The following CASP5 variants were observed in gnomAD, a reference collection of about 807,000 sequenced individuals.
CASP5 encodes caspase-5.
Under a neutral mutation model 45.2 loss-of-function variants are expected in CASP5, and 42 were observed. The ratio of observed to expected loss-of-function variants is 0.93; its 90% CI spans 0.73 to 1.20. The LOEUF (loss-of-function observed/expected upper bound fraction) is 1.20. Ranked by LOEUF, CASP5 falls within the 50% of genes most tolerant of loss-of-function variation. The probability of loss-of-function intolerance (pLI) is 0.00; values close to 1 mark genes in which losing one functional copy is unlikely to be tolerated. For synonymous variants in CASP5, 209 were observed against 186.2 expected (o/e 1.12, Z -1.00); for missense variants, 512 against 532.2 (o/e 0.96, Z 0.37).
chr11:105,010,730 G>A (rs912335086), intron 1 of CASP5, among the ~76,000 whole-genome samples: 4 of 151,546 alleles, frequency 2.6e-5, no homozygotes, highest in African/African-American at 9.7e-5. Context: ...AGTTAACCAT[G>A]ACAGGCTTTC....
Position 105,009,758 on chromosome 11 carries a change from T to TATATATATACACAC in CASP5, c.8-779_8-778insGTGTGTATATATAT, listed in dbSNP as rs1555079440. Among the ~76,000 whole-genome samples the TATATATATACACAC allele has an allele frequency of 5.8e-3, 526 of 90,228 alleles. 11 individuals carry two copies. The highest frequency in any genetic ancestry group is 0.022 in the African/African-American group (508 of 23,070). The allele number at this position is 90,228 out of a possible 152,430, so 59.2% of individuals were successfully genotyped here. A position where few individuals can be genotyped will look rare whatever the true frequency, so the allele number is the denominator to read the frequency against. On this transcript the variant is annotated intron_variant, in intron 1 of 9. Coordinates refer to ENST00000260315, the MANE Select transcript of CASP5 (RefSeq NM_004347.5). ...ATATATATATATATATATATATATA[T>TATATATATACACAC]ACACACACACACGTATATATATATA...
At chr11:105,009,768 CACGTATATATATATATAT>C (rs1862204292) in intron 1 of CASP5, among the ~76,000 whole-genome samples, 2 of 73,278 alleles carry the variant, frequency 2.7e-5, no homozygotes, top group Non-Finnish European at 5.7e-5. Flanking sequence ...TACACACACA[CACGTATATATATATATAT>C]ACACACGTAT....
intron 9 of CASP5, chr11:104,995,390 G>A (rs958957522): frequency 1.2e-5 from 2 of 167,060 alleles, no homozygotes; most frequent in African/African-American, 4.8e-5. Flanking sequence ...AGTGTGGCAG[G>A]TGGGAGAGAA....
chr11:105,002,931 T>A (rs972375666), intron 4 of CASP5, among the ~76,000 whole-genome samples: 6 of 152,142 alleles, frequency 3.9e-5, no homozygotes, highest in African/African-American at 1.4e-4. Context: ...GGCACTGTGG[T>A]TCCCGCCTGT....
At position 105,002,048 on chromosome 11, in the gene CASP5, C is replaced by A; in HGVS notation, c.697G>T (p.Glu233Ter). Residue 233 changes from glutamate to a stop codon, truncating the protein, a stop_gained, in exon 5 of 10, where the codon GAA becomes TAA. Transcript: ENST00000260315. LOFTEE classifies it high-confidence loss of function. ...CTTACCCTGGCTGTGAGATTCTTTT[C>A]GTCAACCACAGTGTAGCCCAGGCCT... ...LQGLGYTVVD[E>*]KNLTARDMES... 3 of 1,613,958 alleles carry A rather than the reference C, an allele frequency of 1.9e-6. No individual in the cohort carries two copies. Among genetic ancestry groups the A allele is most frequent in the Non-Finnish European group, 2.5e-6 (3 of 1,179,964 alleles).
intron 8 of CASP5, among the ~76,000 whole-genome samples, chr11:104,996,890 T>G (rs1366120591): frequency 6.6e-6 from 1 of 152,140 alleles, no homozygotes; most frequent in Non-Finnish European, 1.5e-5. Flanking sequence ...AAGAGTGATT[T>G]CTTTTTTATT....
chr11:104,998,728 C>A (rs1861583910), intron 7 of CASP5, among the ~76,000 whole-genome samples, 157 bp downstream of exon 7: 1 of 152,118 alleles, frequency 6.6e-6, no homozygotes, highest in African/African-American at 2.4e-5. Context: ...GGGAAGGAAT[C>A]TATTCTCACA....
At position 105,007,063 on chromosome 11, in the gene CASP5, C is replaced by T. The variant is rs369388718; in HGVS notation, c.433+20G>A. On this transcript the variant is annotated intron_variant, in intron 3 of 9. Coordinates refer to ENST00000260315, the MANE Select transcript of CASP5 (RefSeq NM_004347.5). The stretch of plus-strand genomic sequence containing the variant: ...ATTCTGGAAAATTTAACATATTTAT[C>T]GTGTTAGATGCAACCTTACGTTTTA... 50 of 1,593,208 alleles carry T rather than the reference C, an allele frequency of 3.1e-5. No individual in the cohort carries two copies. In the African/African-American group the frequency reaches 3.3e-4, roughly 10 times the overall value.
intron 1 of CASP5, chr11:105,009,187 A>G (rs1360377358): frequency 8.4e-6 from 5 of 592,186 alleles, no homozygotes; most frequent in South Asian, 2.1e-5. Flanking sequence ...ATTCATTGCC[A>G]CTTAAGTTTG....
At chr11:105,017,960 G>C (rs570522411) in intron 1 of CASP5, among the ~76,000 whole-genome samples, 8 of 152,048 alleles carry the variant, frequency 5.3e-5, no homozygotes, top group Non-Finnish European at 8.8e-5. Context: ...CAGATCTCTC[G>C]GCAGAAACTC....
intron 1 of CASP5, among the ~76,000 whole-genome samples, chr11:105,017,972 A>C (rs1487173782): frequency 6.6e-6 from 1 of 152,228 alleles, no homozygotes; most frequent in Non-Finnish European, 1.5e-5. Flanking sequence ...CAGAAACTCT[A>C]CAAGCCAGAA....
rs1285872654 is a variant in CASP5, at chr11:105,007,315, T to C, written c.201A>G (p.Lys67=). Residue 67 remains lysine (K), a synonymous_variant, in exon 3 of 10, where the codon AAA becomes AAG. Transcript: ENST00000260315. ...CCAGGTATTCCAACATCTTAACTGTTTTTTTTTTGTGGTTGTCTTCTGTCA... is the reference window on the plus strand; with the variant it reads ...CCAGGTATTCCAACATCTTAACTGTCTTTTTTTTGTGGTTGTCTTCTGTCA... ...TSVKKDNHKK[K]TVKMLEYLGK... The C allele has an allele frequency of 1.3e-6, 2 of 1,592,614 alleles. No homozygotes were observed.
chr11:105,014,083 T>C (rs1862475114), intron 1 of CASP5, among the ~76,000 whole-genome samples: 1 of 152,088 alleles, frequency 6.6e-6, no homozygotes, highest in South Asian at 2.1e-4. Context: ...CAATAAAGAG[T>C]GTTCCTATAT....
In CASP5 at chr11:105,005,352, ATATATGTGTGTG is replaced by A. The variant is rs1489770856; in HGVS notation, c.433+1719_433+1730del. Among the ~76,000 whole-genome samples, 647 of 132,014 alleles carry A rather than the reference ATATATGTGTGTG, an allele frequency of 4.9e-3. 8 individuals are homozygous for A. The highest frequency in any genetic ancestry group is 0.017 in the African/African-American group (626 of 35,784). 86.6% of individuals were successfully genotyped at this position (132,014 alleles called of 152,430 possible). A position where few individuals can be genotyped will look rare whatever the true frequency, so the allele number is the denominator to read the frequency against. On this transcript the variant is annotated intron_variant, in intron 3 of 9. Coordinates refer to ENST00000260315, the MANE Select transcript of CASP5 (RefSeq NM_004347.5). ...GATCATCGGTATATAGTGTGTATATATATATGTGTGTGTGTGTGTGTGTGTGTGTGTGTGTGT... is the reference window on the plus strand; with the variant it reads ...GATCATCGGTATATAGTGTGTATATATGTGTGTGTGTGTGTGTGTGTGTGT...
chr11:105,004,812 C>A (rs562696567), intron 3 of CASP5, among the ~76,000 whole-genome samples: 2 of 152,070 alleles, frequency 1.3e-5, no homozygotes, highest in African/African-American at 4.8e-5. Flanking sequence ...GTGACAGATG[C>A]TTTTTCTTCT....
chr11:105,000,534 T>C, intron 5 of CASP5, 39 bp from the exon 6 acceptor site: 1 of 1,568,094 alleles, frequency 6.4e-7, no homozygotes. Context: ...CAGAGAAGCA[T>C]CACAATTAAT....
At chr11:105,003,825 T>C (rs2134709658) in intron 3 of CASP5, among the ~76,000 whole-genome samples, 1 of 151,816 alleles carries the variant, frequency 6.6e-6, no homozygotes, top group South Asian at 2.1e-4. Flanking sequence ...TATTAAATTT[T>C]CTAATATCAC....
chr11:104,995,268 A>G (rs567118123), intron 9 of CASP5: 1 of 152,666 alleles, frequency 6.6e-6, no homozygotes, highest in Non-Finnish European at 1.5e-5. Context: ...GGAGAAAGTC[A>G]ACAACAGTAA....
intron 7 of CASP5, among the ~76,000 whole-genome samples, chr11:104,998,105 G>A (rs1861547497): frequency 6.6e-6 from 1 of 152,164 alleles, no homozygotes; most frequent in Non-Finnish European, 1.5e-5. Context: ...GCAGAATGAT[G>A]ATAATAATAA....
Sources: gnomAD v4.1 joint callset for allele counts (sites outside exome capture counted in the v4.1 genomes callset) on GRCh38, gnomAD v4.1.1 for gene constraint, MANE v1.5 for transcripts, NCBI Gene and HGNC (gene_info 2026-07-23, HGNC 2026-07-21) for gene names.